BIRC6: variants seen among roughly 807,000 people sequenced by gnomAD.
BIRC6 encodes baculoviral IAP repeat containing 6.
Under a neutral mutation model 503.3 loss-of-function variants are expected in BIRC6, and 98 were observed. The observed-to-expected ratio is 0.19, with a 90% CI of 0.17 to 0.23. BIRC6 has a LOEUF of 0.23. BIRC6 is among the 10% of genes least tolerant of loss of function. The probability of loss-of-function intolerance (pLI) is 1.00; values close to 1 mark genes in which losing one functional copy is unlikely to be tolerated. For missense variants in BIRC6, 5,360 were observed against 5,806.0 expected (o/e 0.92, Z 2.50); for synonymous variants, 2,240 against 2,078.7 (o/e 1.08, Z -2.11).
intron 39 of BIRC6, 44 bp from the exon 40 acceptor site, chr2:32,485,599 A>T: frequency 7.8e-7 from 1 of 1,282,012 alleles, no homozygotes; most frequent in Non-Finnish European, 1.1e-6. Context: ...GGACATGAGT[A>T]ATAATTGTCA....
At chr2:32,535,591 A>G (rs879909600) in intron 61 of BIRC6, among the ~76,000 whole-genome samples, 4 of 152,138 alleles carry the variant, frequency 2.6e-5, no homozygotes, top group Admixed American at 1.3e-4. Context: ...TTGCTGAGAA[A>G]GATGGTTTCC....
At chr2:32,516,343 A>G (rs1011805256) in intron 55 of BIRC6, among the ~76,000 whole-genome samples, 9 of 151,902 alleles carry the variant, frequency 5.9e-5, no homozygotes, top group Non-Finnish European at 1.2e-4. Flanking sequence ...GTGAAACCCC[A>G]TCTCTCCTAA....
At chr2:32,586,282 A>G (rs1483947580) in intron 66 of BIRC6, among the ~76,000 whole-genome samples, 1 of 151,858 alleles carries the variant, frequency 6.6e-6, no homozygotes, top group Non-Finnish European at 1.5e-5. Context: ...AAAAATTATA[A>G]ATTGACTTAG....
At chr2:32,482,728 G>A (rs2050549556) in intron 39 of BIRC6, 146 bp downstream of exon 39, 3 of 806,390 alleles carry the variant, frequency 3.7e-6, no homozygotes, top group South Asian at 2.0e-5. Context: ...ATTCAGAGCT[G>A]TTTCTTTGTA....
chr2:32,513,131 A>T lies in BIRC6; in HGVS notation c.10545A>T (p.Ala3515=). ...TGCTTGTAGAATATGACTTACCAGC[A>T]CTCCTGGACCAAGAGCTCTTTGAGT... ...YELLVEYDLP[A]LLDQELFELL... The change falls in exon 54 of 74, where the codon GCA becomes GCT. Residue 3515 remains alanine, a synonymous_variant. Coordinates refer to ENST00000421745, the MANE Select transcript of BIRC6 (RefSeq NM_016252.4). 1 of 1,613,434 alleles carries T rather than the reference A, an allele frequency of 6.2e-7. No homozygotes were observed. Among genetic ancestry groups the T allele is most frequent in the Admixed American group, 1.7e-5 (1 of 60,006 alleles).
chr2:32,379,364 T>C (rs796498491), intron 2 of BIRC6: 38 of 152,352 alleles, frequency 2.5e-4, no homozygotes, highest in African/African-American at 8.9e-4. Flanking sequence ...ACTATCAAAC[T>C]ATGTTTAGGT....
chr2:32,586,771 T>C (rs2061062372), intron 66 of BIRC6, among the ~76,000 whole-genome samples: 1 of 152,130 alleles, frequency 6.6e-6, no homozygotes. Flanking sequence ...CTAAGTAAAA[T>C]TTACTTCGTA....
intron 23 of BIRC6, among the ~76,000 whole-genome samples, chr2:32,459,419 TG>T (rs1358536928): frequency 6.6e-6 from 1 of 151,704 alleles, no homozygotes. Context: ...TTTTTGTTTT[TG>T]TTTTTTGGTC....
chr2:32,518,454 T>A (rs2055299802), intron 56 of BIRC6, 57 bp downstream of exon 56: 1 of 1,541,618 alleles, frequency 6.5e-7, no homozygotes, highest in South Asian at 1.2e-5. Flanking sequence ...CAATTTTGTA[T>A]CAGAGCCTGC....
intron 70 of BIRC6, chr2:32,602,401 A>C (rs2062124621): frequency 6.6e-6 from 1 of 152,212 alleles, no homozygotes; most frequent in African/African-American, 2.4e-5. Context: ...ATCAACGTAG[A>C]GAGTAGAATA....
intron 14 of BIRC6, 124 bp downstream of exon 14, chr2:32,435,709 A>G: frequency 9.6e-7 from 1 of 1,038,766 alleles, no homozygotes; most frequent in Non-Finnish European, 1.3e-6. Flanking sequence ...ATTAAAAAAT[A>G]ACCTATAATT....
At chr2:32,520,380 A>T (rs2055521371) in intron 57 of BIRC6, among the ~76,000 whole-genome samples, 4 of 152,228 alleles carry the variant, frequency 2.6e-5, no homozygotes, top group Admixed American at 2.6e-4. Flanking sequence ...GCATACTGTT[A>T]TAAATATTAA....
At chr2:32,563,063 C>T (rs1231751036) in intron 65 of BIRC6, among the ~76,000 whole-genome samples, 9 of 152,160 alleles carry the variant, frequency 5.9e-5, no homozygotes, top group Non-Finnish European at 8.8e-5. Flanking sequence ...GGCTATGCTA[C>T]GTATTTTGCC....
At chr2:32,517,419 C>G (rs571467247) in intron 55 of BIRC6, among the ~76,000 whole-genome samples, 1 of 152,272 alleles carries the variant, frequency 6.6e-6, no homozygotes, top group South Asian at 2.1e-4. Flanking sequence ...GGGAAAATAT[C>G]TCTGCTAAAT....
At position 32,513,063 on chromosome 2, in the gene BIRC6, C is replaced by T. The variant is rs2054600665; in HGVS notation, c.10477C>T (p.His3493Tyr). The T allele has an allele frequency of 6.2e-7, 1 of 1,613,932 alleles. No homozygotes were observed. The highest frequency in any genetic ancestry group is 8.5e-7 in the Non-Finnish European group (1 of 1,179,858). Residue 3493 changes from histidine (H) to tyrosine (Y), a missense_variant, in exon 54 of 74, where the codon CAT becomes TAT. His to Tyr is a moderately conservative substitution (Grantham distance 83). This residue lies in a region of BIRC6 where 878 missense variants were observed against 928.9 expected (regional missense o/e 0.95). Transcript: ENST00000421745. The stretch of plus-strand genomic sequence containing the variant: ...TGGTCTTCTGATGCCATCTCCTTCT[C>T]ATTTGCACTGTGTAGCAGCCATTCT... The part of the protein sequence containing the change: ...EYGLLMPSPS[H>Y]LHCVAAILWH...
At chr2:32,475,153 C>T (rs1028599021) in intron 33 of BIRC6, among the ~76,000 whole-genome samples, 2 of 88,124 alleles carry the variant, frequency 2.3e-5, no homozygotes, top group Non-Finnish European at 4.2e-5. Flanking sequence ...CACAGCAAGA[C>T]TATCTTAAAA....
intron 10 of BIRC6, 59 bp downstream of exon 10, chr2:32,416,222 T>G: frequency 6.8e-7 from 1 of 1,464,816 alleles, no homozygotes; most frequent in Non-Finnish European, 9.2e-7. Context: ...GGCATTTGTT[T>G]ATGTGCAAAC....
In BIRC6 at chr2:32,369,942, AAAAATATATAT is replaced by A. The variant is rs1172312298; in HGVS notation, c.326-7644_326-7634del. On this transcript the variant is annotated intron_variant, in intron 1 of 73. Coordinates refer to ENST00000421745, the MANE Select transcript of BIRC6 (RefSeq NM_016252.4). ...CCTGTCTCTTAAAAAAAAAAAAAAA[AAAAATATATAT>A]ATATATATATATATATATATATATA... Among the ~76,000 whole-genome samples, 294 of 34,072 alleles carry A rather than the reference AAAAATATATAT, an allele frequency of 8.6e-3. 2 individuals carry two copies. The highest frequency in any genetic ancestry group is 0.042 in the African/African-American group (239 of 5,716). The allele number at this position is 34,072 out of a possible 152,430, so 22.4% of individuals were successfully genotyped here. A position where few individuals can be genotyped will look rare whatever the true frequency, so the allele number is the denominator to read the frequency against.
In BIRC6 at chr2:32,461,603, A is replaced by T. The variant is rs1430561790; in HGVS notation, c.4754-1591A>T. ...TAATGAGTGGTGTTTTTTTTTTTTT[A>T]ACATAAGGAAATTTAATTATAAGAG... On this transcript the variant is annotated intron_variant, in intron 23 of 73. Transcript: ENST00000421745. 4.1e-4 allele frequency among the ~76,000 whole-genome samples: 58 copies of T among 141,980 alleles called. 1 individual carries two copies. Among genetic ancestry groups the T allele is most frequent in the African/African-American group, 1.6e-3 (55 of 35,276 alleles). The allele number at this position is 141,980 out of a possible 152,430, so 93.1% of individuals were successfully genotyped here.
Sources: gnomAD v4.1 joint callset for allele counts (sites outside exome capture counted in the v4.1 genomes callset) on GRCh38, gnomAD v4.1.1 for gene constraint, gnomAD v4.1.1 regional missense constraint, MANE v1.5 for transcripts, NCBI Gene and HGNC (gene_info 2026-07-23, HGNC 2026-07-21) for gene names.